The following MED29 variants were observed in gnomAD, a reference collection of about 807,000 sequenced individuals.
MED29 encodes mediator complex subunit 29, also known as mediator of RNA polymerase II transcription subunit 29.
Under a neutral mutation model 22.0 loss-of-function variants are expected in MED29, and 14 were observed. That is an observed-to-expected ratio of 0.64 (90% CI 0.42 to 0.99). MED29 has a LOEUF of 0.99. Ranked by LOEUF, MED29 falls within the 50% of genes least tolerant of loss-of-function variation. The pLI is 0.00. For missense variants in MED29, 241 were observed against 253.7 expected (o/e 0.95, Z 0.34); for synonymous variants, 123 against 107.8 (o/e 1.14, Z -0.87).
In MED29 at chr19:39,397,845, A is replaced by G. The variant is rs1456925852; in HGVS notation, c.*146A>G. 12 of 1,368,692 alleles carry G rather than the reference A, an allele frequency of 8.8e-6. No homozygotes were observed. The highest frequency in any genetic ancestry group is 1.1e-5 in the Non-Finnish European group (11 of 1,030,404). 84.8% of individuals were successfully genotyped at this position (1,368,692 alleles called of 1,614,324 possible). ...CCAGCAGGGGGCAGCAGAGGCCAAC[A>G]GGGAGCTCGCAGGCCGGGCCCCTGC... On this transcript the variant is annotated 3_prime_UTR_variant, in exon 4 of 4. Transcript: ENST00000315588.
At chr19:39,393,738 C>A in intron 3 of MED29, 101 bp downstream of exon 3, 1 of 977,430 alleles carries the variant, frequency 1.0e-6, no homozygotes. Context: ...TGGGGACCTC[C>A]TGTGGGCCAG....
chr19:39,397,766 C>T lies in MED29; in HGVS notation c.*67C>T. 1.3e-6 allele frequency: 2 copies of T among 1,561,146 alleles called. No homozygotes were observed. Among genetic ancestry groups the T allele is most frequent in the African/African-American group, 1.3e-5 (1 of 74,392 alleles). ...GTGTGCAAAGGGAATGAAGAGCGTCCTGGGCCTAAACACAGCAGCCTCCTC... is the reference window on the plus strand; with the variant it reads ...GTGTGCAAAGGGAATGAAGAGCGTCTTGGGCCTAAACACAGCAGCCTCCTC... On this transcript the variant is annotated 3_prime_UTR_variant, in exon 4 of 4. Transcript: ENST00000315588.
chr19:39,391,428 T>A lies in MED29; in HGVS notation c.6T>A (p.Ala2=). The A allele has an allele frequency of 6.2e-7, 1 of 1,612,602 alleles. No individual in the cohort carries two copies. The highest frequency in any genetic ancestry group is 8.5e-7 in the Non-Finnish European group (1 of 1,178,728). The part of the protein sequence containing the change: M[A]ASQQQASAAS... ...CGGCGGTCTACGCGAGGAAGATGGC[T>A]GCATCCCAGCAGCAAGCTTCAGCGG... The change falls in exon 1 of 4, where the codon GCT becomes GCA. Residue 2 remains alanine, a synonymous_variant. Transcript: ENST00000315588.
Position 39,397,825 on chromosome 19 carries a change from AG to A in MED29, c.*131del, listed in dbSNP as rs2078437986. 1 of 1,449,838 alleles carries A rather than the reference AG, an allele frequency of 6.9e-7. No homozygotes were observed. The highest frequency in any genetic ancestry group is 9.1e-7 in the Non-Finnish European group (1 of 1,094,632). 89.8% of individuals were successfully genotyped at this position (1,449,838 alleles called of 1,614,324 possible). Reference sequence around the variant, plus strand: ...CCTGAGCACCGCAGCGGGAGCCAGCAGGGGGCAGCAGAGGCCAACAGGGAGC... The same window carrying A: ...CCTGAGCACCGCAGCGGGAGCCAGCAGGGGCAGCAGAGGCCAACAGGGAGC... On this transcript the variant is annotated 3_prime_UTR_variant, in exon 4 of 4. Coordinates refer to ENST00000315588, the MANE Select transcript of MED29 (RefSeq NM_017592.4).
intron 3 of MED29, among the ~76,000 whole-genome samples, chr19:39,396,005 G>T (rs1177239034): frequency 6.6e-6 from 1 of 152,196 alleles, no homozygotes; most frequent in African/African-American, 2.4e-5. Flanking sequence ...GTCAGGGGGA[G>T]GCCAGCGACA....
intron 3 of MED29, among the ~76,000 whole-genome samples, chr19:39,394,198 T>C (rs563395847): frequency 6.6e-6 from 1 of 152,334 alleles, no homozygotes; most frequent in South Asian, 2.1e-4. Flanking sequence ...TGTAAACTGC[T>C]TAACATGATA....
intron 1 of MED29, 114 bp downstream of exon 1, chr19:39,391,752 T>A: frequency 7.6e-7 from 1 of 1,311,312 alleles, no homozygotes; most frequent in Non-Finnish European, 1.0e-6. Context: ...GAACCTGCTG[T>A]TTTGGCCTGG....
rs926693843 is a variant in MED29, at chr19:39,393,641, A to G, written c.360+4A>G. ...TGACCAGCTGGAGCTGTGCCTGGTA[A>G]GAAGCCTTCTGGACACGGGGTAACA... On this transcript the variant is annotated splice_donor_region_variant and intron_variant, in intron 3 of 3. Transcript: ENST00000315588. The G allele has an allele frequency of 1.9e-6, 3 of 1,613,682 alleles. No homozygotes were observed. Among genetic ancestry groups the G allele is most frequent in the African/African-American group, 1.3e-5 (1 of 75,038 alleles).
At chr19:39,393,430 A>T in intron 2 of MED29, 123 bp from the exon 3 acceptor site, 1 of 905,318 alleles carries the variant, frequency 1.1e-6, no homozygotes, top group Non-Finnish European at 1.8e-6. Context: ...TCCGGTTTTC[A>T]ACCACTACTT....
In MED29 at chr19:39,397,582, G is replaced by C. The variant is rs143909627; in HGVS notation, c.486G>C (p.Ala162=). The change falls in exon 4 of 4, where the codon GCG becomes GCC. Residue 162 remains alanine (A), a synonymous_variant. Transcript: ENST00000315588. ...GCCTCCCCTACCCACAGTACCTGGCGGTCATCAAAGCCCAGATTTCCTGTG... is the reference window on the plus strand; with the variant it reads ...GCCTCCCCTACCCACAGTACCTGGCCGTCATCAAAGCCCAGATTTCCTGTG... ...PDSLPYPQYL[A]VIKAQISCAK... 1.2e-6 allele frequency: 2 copies of C among 1,613,806 alleles called. No homozygotes were observed. The highest frequency in any genetic ancestry group is 1.1e-5 in the South Asian group (1 of 91,080).
At chr19:39,392,762 A>G (rs1466983735) in intron 2 of MED29, 5 of 509,624 alleles carry the variant, frequency 9.8e-6, no homozygotes, top group Non-Finnish European at 1.7e-5. Context: ...AGTAGCCAGG[A>G]CTACAGACAT....
chr19:39,391,707 T>G, intron 1 of MED29, 69 bp downstream of exon 1: 1 of 1,493,952 alleles, frequency 6.7e-7, no homozygotes, highest in Middle Eastern at 1.8e-4. Flanking sequence ...GAGGGCCAGG[T>G]TAGTCGGAGA....
In MED29 at chr19:39,397,666, C is replaced by T. The variant is rs751637421; in HGVS notation, c.570C>T (p.Pro190=). ...CCAACAAGGTCACGGGCAAGACACC[C>T]GCACCACCTGCTGGCCCTGGGGGCA... ...DCANKVTGKT[P]APPAGPGGTL The change falls in exon 4 of 4, where the codon CCC becomes CCT. Residue 190 remains proline (P), a synonymous_variant. Coordinates refer to ENST00000315588, the MANE Select transcript of MED29 (RefSeq NM_017592.4). The T allele has an allele frequency of 3.7e-6, 6 of 1,611,750 alleles. No homozygotes were observed. Among genetic ancestry groups the T allele is most frequent in the South Asian group, 2.2e-5 (2 of 91,040 alleles).
At chr19:39,392,624 C>CCTTTT in intron 2 of MED29, 102 bp downstream of exon 2, 4 of 519,946 alleles carry the variant, frequency 7.7e-6, no homozygotes, top group Non-Finnish European at 1.2e-5. Context: ...TCTATATTTA[C>CCTTTT]TTTTTTTTTT....
Position 39,391,476 on chromosome 19 carries a change from G to A in MED29, c.54G>A (p.Ser18=). The change falls in exon 1 of 4, where the codon TCG becomes TCA. Residue 18 remains serine (S), a synonymous_variant. Transcript: ENST00000315588. ...ASAASSAAGV[S]GPSSAGGPGP... ...CGGCTTCCTCAGCTGCTGGTGTATC[G>A]GGTCCTAGTTCGGCTGGCGGCCCGG... The A allele has an allele frequency of 6.2e-7, 1 of 1,613,468 alleles. No individual in the cohort carries two copies. The highest frequency in any genetic ancestry group is 2.2e-5 in the East Asian group (1 of 44,872).
At position 39,393,578 on chromosome 19, in the gene MED29, C is replaced by T; in HGVS notation, c.301C>T (p.Arg101Cys). The T allele has an allele frequency of 1.2e-6, 2 of 1,614,114 alleles. No homozygotes were observed. Among genetic ancestry groups the T allele is most frequent in the Non-Finnish European group, 8.5e-7 (1 of 1,179,980 alleles). Reference sequence around the variant, plus strand: ...AAAGAGCAGTGATGGACCCATACAGCGCTTTGACAAGTGCCTGGAAGAGTT... The same window carrying T: ...AAAGAGCAGTGATGGACCCATACAGTGCTTTGACAAGTGCCTGGAAGAGTT... The part of the protein sequence containing the change: ...GQKSSDGPIQ[R>C]FDKCLEEFYA... The change falls in exon 3 of 4, where the codon CGC (arginine) becomes TGC (cysteine). Residue 101 changes from arginine (R) to cysteine (C), a missense_variant. By Grantham distance (180) the Arg-to-Cys change is radical. Coordinates refer to ENST00000315588, the MANE Select transcript of MED29 (RefSeq NM_017592.4).
At position 39,391,473 on chromosome 19, in the gene MED29, A is replaced by G; in HGVS notation, c.51A>G (p.Val17=). The part of the protein sequence containing the change: ...QASAASSAAG[V]SGPSSAGGPG... ...CAGCGGCTTCCTCAGCTGCTGGTGT[A>G]TCGGGTCCTAGTTCGGCTGGCGGCC... Residue 17 remains valine, a synonymous_variant, in exon 1 of 4, where the codon GTA becomes GTG. Transcript: ENST00000315588. 6.2e-7 allele frequency: 1 copy of G among 1,613,532 alleles called. No homozygotes were observed. The highest frequency in any genetic ancestry group is 8.5e-7 in the Non-Finnish European group (1 of 1,179,888).
chr19:39,394,626 C>T lies in MED29; in HGVS notation c.360+989C>T, dbSNP rs557905791. 5.8e-5 allele frequency among the ~76,000 whole-genome samples: 8 copies of T among 137,932 alleles called. No homozygotes were observed. In the East Asian group the frequency reaches 1.1e-3, roughly 19 times the overall value. The allele number at this position is 137,932 out of a possible 152,430, so 90.5% of individuals were successfully genotyped here. ...GTCGCCAGGCTAGAGTACAGTGGCGCGACTTCAGCTCACTGCAACCTTGGC... is the reference window on the plus strand; with the variant it reads ...GTCGCCAGGCTAGAGTACAGTGGCGTGACTTCAGCTCACTGCAACCTTGGC... On this transcript the variant is annotated intron_variant, in intron 3 of 3. Coordinates refer to ENST00000315588, the MANE Select transcript of MED29 (RefSeq NM_017592.4).
Position 39,398,043 on chromosome 19 carries a change from T to C in MED29, c.*344T>C, listed in dbSNP as rs1335314865. The stretch of plus-strand genomic sequence containing the variant: ...CTGTCTCCAGCTGGGAGGTGGTCTC[T>C]GTGTGCCACTCCTCTGTGTCTCTAT... On this transcript the variant is annotated 3_prime_UTR_variant, in exon 4 of 4. Transcript: ENST00000315588. 1.3e-5 allele frequency: 7 copies of C among 519,360 alleles called. No homozygotes were observed. Among genetic ancestry groups the C allele is most frequent in the Non-Finnish European group, 2.4e-5 (7 of 291,260 alleles). The allele number at this position is 519,360 out of a possible 1,614,324, so 32.2% of individuals were successfully genotyped here.
Sources: allele counts gnomAD v4.1 joint callset (sites outside exome capture counted in the v4.1 genomes callset), GRCh38; gene constraint gnomAD v4.1.1; transcripts MANE v1.5; gene names NCBI Gene and HGNC (gene_info 2026-07-23, HGNC 2026-07-21).